The following UBE2E2 variants were observed in gnomAD, a reference collection of about 807,000 sequenced individuals.
UBE2E2 encodes the protein ubiquitin conjugating enzyme E2 E2, also known as ubiquitin-conjugating enzyme E2 E2.
Under a neutral mutation model 24.7 loss-of-function variants are expected in UBE2E2, and 6 were observed. That is an observed-to-expected ratio of 0.24 (90% confidence interval 0.13 to 0.48). The LOEUF (loss-of-function observed/expected upper bound fraction) is 0.48, where lower values mean the gene tolerates loss of function less well. UBE2E2 is among the 20% of genes least tolerant of loss of function. UBE2E2 has a pLI of 0.99. For synonymous variants in UBE2E2, 104 were observed against 83.6 expected, an observed-to-expected ratio of 1.24 and a Z score of -1.33; for missense variants, 169 against 245.0, an observed-to-expected ratio of 0.69 and a Z score of 2.07.
chr3:23,260,472 A>G (rs1697865404), intron 3 of UBE2E2, among the ~76,000 whole-genome samples: 1 of 152,202 alleles, frequency 6.6e-6, no homozygotes, highest in Non-Finnish European at 1.5e-5. Context: ...TGAAACAGCA[A>G]GACAGTATCT....
intron 5 of UBE2E2, among the ~76,000 whole-genome samples, chr3:23,556,433 G>T (rs1428181582): frequency 2.0e-5 from 2 of 98,920 alleles, no homozygotes; most frequent in African/African-American, 8.6e-5. Context: ...GAGCCACCAT[G>T]CCCAGCCAAT....
intron 1 of UBE2E2, among the ~76,000 whole-genome samples, chr3:23,206,316 T>C (rs558739536): frequency 1.3e-5 from 2 of 151,874 alleles, no homozygotes; most frequent in Non-Finnish European, 2.9e-5. Context: ...AAATATTAAA[T>C]CCAAGAATGA....
Position 23,316,066 on chromosome 3 carries a change from C to G in UBE2E2, c.227+98754C>G, listed in dbSNP as rs1468341424. 5.9e-5 allele frequency among the ~76,000 whole-genome samples: 9 copies of G among 152,282 alleles called. No individual in the cohort carries two copies. In the East Asian group the frequency reaches 1.7e-3, roughly 29 times the overall value. Reference sequence around the variant, plus strand: ...GCCGCCACCCCTGGAAATGCACTGGCTCAGACCTAAAGCCAGCGCAGCACT... The same window carrying G: ...GCCGCCACCCCTGGAAATGCACTGGGTCAGACCTAAAGCCAGCGCAGCACT... On this transcript the variant is annotated intron_variant, in intron 3 of 5. Transcript: ENST00000396703.
chr3:23,239,303 A>G (rs981180382), intron 3 of UBE2E2, among the ~76,000 whole-genome samples: 2 of 152,128 alleles, frequency 1.3e-5, no homozygotes, highest in Non-Finnish European at 1.5e-5. Context: ...ATACCATACA[A>G]TTCACTCTTT....
At chr3:23,463,923 A>G (rs1199305391) in intron 3 of UBE2E2, among the ~76,000 whole-genome samples, 1 of 152,188 alleles carries the variant, frequency 6.6e-6, no homozygotes, top group African/African-American at 2.4e-5. Context: ...TTTTAATGTT[A>G]AAGATCATAA....
intron 3 of UBE2E2, among the ~76,000 whole-genome samples, chr3:23,491,974 G>T (rs765837603): frequency 2.0e-5 from 3 of 152,208 alleles, no homozygotes; most frequent in Non-Finnish European, 4.4e-5. Context: ...GGTCAAGGAT[G>T]ACTCTCAGAT....
intron 5 of UBE2E2, among the ~76,000 whole-genome samples, chr3:23,586,728 T>C (rs952179665): frequency 1.3e-5 from 2 of 152,190 alleles, no homozygotes; most frequent in African/African-American, 4.8e-5. Flanking sequence ...CATCGTTGTT[T>C]TTAAAACAAA....
chr3:23,555,476 G>T (rs887403641), intron 5 of UBE2E2, among the ~76,000 whole-genome samples: 2 of 152,002 alleles, frequency 1.3e-5, no homozygotes, highest in African/African-American at 4.8e-5. Context: ...GGTTCCTAAA[G>T]AAATAAAAAA....
At chr3:23,308,836 A>C (rs977426785) in intron 3 of UBE2E2, among the ~76,000 whole-genome samples, 4 of 152,164 alleles carry the variant, frequency 2.6e-5, no homozygotes, top group African/African-American at 9.7e-5. Flanking sequence ...GGAAGCCTCA[A>C]AACCGGGTAA....
intron 2 of UBE2E2, among the ~76,000 whole-genome samples, chr3:23,216,882 T>A (rs1696490812): frequency 1.3e-5 from 2 of 152,162 alleles, no homozygotes; most frequent in Non-Finnish European, 2.9e-5. Flanking sequence ...TCAGTCATGA[T>A]GCTTGGATTT....
intron 4 of UBE2E2, among the ~76,000 whole-genome samples, chr3:23,522,790 A>G (rs1428094559): frequency 2.0e-5 from 3 of 152,206 alleles, no homozygotes; most frequent in African/African-American, 7.2e-5. Flanking sequence ...ATGTTTTGGC[A>G]TATATGGTAC....
chr3:23,307,027 A>C (rs1009200812), intron 3 of UBE2E2, among the ~76,000 whole-genome samples: 1 of 152,204 alleles, frequency 6.6e-6, no homozygotes, highest in African/African-American at 2.4e-5. Context: ...AGACTTTATA[A>C]TACAAAAAAG....
chr3:23,543,145 C>T (rs1330747595), intron 5 of UBE2E2, among the ~76,000 whole-genome samples: 2 of 152,016 alleles, frequency 1.3e-5, no homozygotes, highest in Admixed American at 6.6e-5. Flanking sequence ...GAGACCCTGT[C>T]GCTACAAAAC....
chr3:23,203,305 C>T, upstream of UBE2E2: 1 of 987,344 alleles, frequency 1.0e-6, no homozygotes, highest in Non-Finnish European at 1.2e-6. Context: ...CAGGCGTGGT[C>T]GGGTGCGTGG....
intron 3 of UBE2E2, among the ~76,000 whole-genome samples, chr3:23,299,778 G>T (rs972385808): frequency 6.6e-6 from 1 of 152,198 alleles, no homozygotes; most frequent in African/African-American, 2.4e-5. Flanking sequence ...GGGGTGGAGA[G>T]TTCTGTAGAT....
intron 3 of UBE2E2, among the ~76,000 whole-genome samples, chr3:23,295,338 G>T (rs559710227): frequency 6.6e-6 from 1 of 151,648 alleles, no homozygotes; most frequent in African/African-American, 2.4e-5. Context: ...TTCTTTTCAT[G>T]CCTCAAAGTA....
intron 3 of UBE2E2, among the ~76,000 whole-genome samples, chr3:23,233,294 A>G (rs1027958997): frequency 6.6e-6 from 1 of 152,212 alleles, no homozygotes; most frequent in African/African-American, 2.4e-5. Context: ...CATTCTTATC[A>G]AAGCTGTTGT....
In UBE2E2 at chr3:23,401,350, T is replaced by G. The variant is rs556862898; in HGVS notation, c.228-98258T>G. Reference sequence around the variant, plus strand: ...TAGCAGCTACTGGTTATTGACTCACTTTATGCCAAATACTATAAGCACATT... The same window carrying G: ...TAGCAGCTACTGGTTATTGACTCACGTTATGCCAAATACTATAAGCACATT... On this transcript the variant is annotated intron_variant, in intron 3 of 5. Transcript: ENST00000396703. 5.9e-5 allele frequency among the ~76,000 whole-genome samples: 9 copies of G among 152,350 alleles called. No individual in the cohort carries two copies. The South Asian group carries it at 1.4e-3, about 25-fold the overall frequency.
In UBE2E2 at chr3:23,251,537, C is replaced by G. The variant is rs188200303; in HGVS notation, c.227+34225C>G. On this transcript the variant is annotated intron_variant, in intron 3 of 5. Coordinates refer to ENST00000396703, the MANE Select transcript of UBE2E2 (RefSeq NM_152653.4). ...AGTCTTGGAAACTTAAGAAAGTTGT[C>G]GACATGTTCATGCAACCCATGTACC... 8.5e-5 allele frequency among the ~76,000 whole-genome samples: 13 copies of G among 152,224 alleles called. No individual in the cohort carries two copies. In the East Asian group the frequency reaches 2.5e-3, roughly 29 times the overall value.
Sources: allele counts gnomAD v4.1 joint callset (sites outside exome capture counted in the v4.1 genomes callset), GRCh38; gene constraint gnomAD v4.1.1; transcripts MANE v1.5; gene names NCBI Gene and HGNC (gene_info 2026-07-23, HGNC 2026-07-21).